DPP10: variants seen among roughly 807,000 people sequenced by gnomAD.
DPP10 encodes inactive dipeptidyl peptidase 10.
Under a neutral mutation model 120.9 loss-of-function variants are expected in DPP10, and 33 were observed. That is an observed-to-expected ratio of 0.27 (90% CI 0.21 to 0.37). The LOEUF (loss-of-function observed/expected upper bound fraction) is 0.37. Among genes scored for constraint, DPP10 ranks in the 10% least tolerant of loss-of-function variants. The pLI is 1.00. For synonymous variants in DPP10, 337 were observed against 326.1 expected (o/e 1.03, Z -0.36); for missense variants, 816 against 942.8 (o/e 0.87, Z 1.76).
chr2:115,015,604 A>G (rs558144109), intron 1 of DPP10, among the ~76,000 whole-genome samples: 1 of 152,308 alleles, frequency 6.6e-6, no homozygotes, highest in South Asian at 2.1e-4. Flanking sequence ...AGAAAACCCC[A>G]TCATCTCAGC....
intron 1 of DPP10, among the ~76,000 whole-genome samples, chr2:115,215,101 A>G (rs1371507327): frequency 6.6e-6 from 1 of 152,146 alleles, no homozygotes; most frequent in Non-Finnish European, 1.5e-5. Context: ...TGACATACCT[A>G]TATGGTAATG....
intron 1 of DPP10, among the ~76,000 whole-genome samples, chr2:114,971,788 T>TA (rs1287222899): frequency 6.6e-6 from 1 of 152,228 alleles, no homozygotes; most frequent in Non-Finnish European, 1.5e-5. Flanking sequence ...CTAAAGAAGA[T>TA]AACGATCAAC....
At chr2:115,222,077 C>T (rs1258925604) in intron 1 of DPP10, among the ~76,000 whole-genome samples, 4 of 152,042 alleles carry the variant, frequency 2.6e-5, no homozygotes, top group Non-Finnish European at 5.9e-5. Flanking sequence ...AATTTAGGAA[C>T]ACAGGGGAGA....
intron 1 of DPP10, chr2:115,131,972 C>T (rs2104792480): frequency 6.6e-6 from 1 of 152,118 alleles, no homozygotes; most frequent in East Asian, 1.9e-4. Flanking sequence ...GTGGCACAAT[C>T]CCAGCTACTC....
intron 1 of DPP10, among the ~76,000 whole-genome samples, chr2:115,101,112 G>T (rs1276827484): frequency 6.6e-6 from 1 of 152,182 alleles, no homozygotes; most frequent in East Asian, 1.9e-4. Flanking sequence ...GGTATGTGCT[G>T]TGGGAGGGAT....
intron 1 of DPP10, among the ~76,000 whole-genome samples, chr2:114,887,362 T>C (rs1692162329): frequency 6.6e-6 from 1 of 152,220 alleles, no homozygotes; most frequent in Non-Finnish European, 1.5e-5. Context: ...AAATTTTGCC[T>C]AAGGATTATG....
intron 1 of DPP10, among the ~76,000 whole-genome samples, chr2:115,231,732 T>C (rs1384805954): frequency 6.6e-6 from 1 of 152,202 alleles, no homozygotes; most frequent in Non-Finnish European, 1.5e-5. Flanking sequence ...AGTAGCGATA[T>C]ATGAAAGAAA....
At chr2:115,280,372 CT>C (rs1426859153) in intron 1 of DPP10, among the ~76,000 whole-genome samples, 1 of 152,118 alleles carries the variant, frequency 6.6e-6, no homozygotes, top group Admixed American at 6.5e-5. Context: ...GTAATGCAAG[CT>C]TTTCCCAGGA....
intron 1 of DPP10, among the ~76,000 whole-genome samples, chr2:115,021,707 A>G (rs1460495957): frequency 6.6e-6 from 1 of 152,082 alleles, no homozygotes; most frequent in African/African-American, 2.4e-5. Flanking sequence ...GGATGTAACA[A>G]AAAAAGAAAA....
intron 1 of DPP10, among the ~76,000 whole-genome samples, chr2:114,744,769 T>C (rs908660795): frequency 1.3e-5 from 2 of 151,642 alleles, no homozygotes; most frequent in Non-Finnish European, 2.9e-5. Context: ...AATGCCTAAT[T>C]TGTTTTTTTT....
intron 1 of DPP10, among the ~76,000 whole-genome samples, chr2:114,645,975 C>A (rs1374803704): frequency 6.6e-6 from 1 of 151,974 alleles, no homozygotes; most frequent in Non-Finnish European, 1.5e-5. Context: ...GCCTGACCAA[C>A]ATGGTGAAAC....
intron 5 of DPP10, among the ~76,000 whole-genome samples, chr2:115,612,148 C>G (rs764793476): frequency 6.6e-6 from 1 of 152,096 alleles, no homozygotes; most frequent in Non-Finnish European, 1.5e-5. Flanking sequence ...TAACCAAATC[C>G]ATATTTTTAT....
chr2:115,238,922 A>G (rs1053440917), intron 1 of DPP10, among the ~76,000 whole-genome samples: 2 of 152,166 alleles, frequency 1.3e-5, no homozygotes, highest in African/African-American at 4.8e-5. Context: ...CTGAGGAGCA[A>G]GGAAGCCAGT....
chr2:115,100,620 G>C (rs1020094460), intron 1 of DPP10, among the ~76,000 whole-genome samples: 3 of 152,020 alleles, frequency 2.0e-5, no homozygotes, highest in Non-Finnish European at 2.9e-5. Context: ...GTTATTGGCA[G>C]CTTAGGTATC....
At chr2:114,886,683 G>T (rs182719714) in intron 1 of DPP10, among the ~76,000 whole-genome samples, 1 of 152,104 alleles carries the variant, frequency 6.6e-6, no homozygotes, top group Non-Finnish European at 1.5e-5. Context: ...ATTATCAAAA[G>T]TCTGTTATGG....
At chr2:115,527,815 C>A (rs770247768) in intron 5 of DPP10, among the ~76,000 whole-genome samples, 4 of 152,070 alleles carry the variant, frequency 2.6e-5, no homozygotes, top group Non-Finnish European at 5.9e-5. Flanking sequence ...AATAGAATAT[C>A]ACTACGAATC....
At chr2:115,289,925 A>C (rs1321806443) in intron 1 of DPP10, among the ~76,000 whole-genome samples, 1 of 152,176 alleles carries the variant, frequency 6.6e-6, no homozygotes, top group Non-Finnish European at 1.5e-5. Flanking sequence ...ACTTTTCTGG[A>C]CATTGGCCTA....
At chr2:115,631,092 A>G (rs373761284) in intron 5 of DPP10, among the ~76,000 whole-genome samples, 13 of 132,122 alleles carry the variant, frequency 9.8e-5, no homozygotes, top group African/African-American at 4.1e-4. Flanking sequence ...TAGTGTCTCA[A>G]TTTCAGAACT....
intron 1 of DPP10, among the ~76,000 whole-genome samples, chr2:114,619,379 ATATG>A (rs1242392554): frequency 1.3e-4 from 18 of 140,740 alleles, no homozygotes; most frequent in South Asian, 2.1e-4. Context: ...ATATATATAC[ATATG>A]TGTGTGTGTG....
Sources: gnomAD v4.1 joint callset for allele counts (sites outside exome capture counted in the v4.1 genomes callset) on GRCh38, gnomAD v4.1.1 for gene constraint, MANE v1.5 for transcripts, NCBI Gene and HGNC (gene_info 2026-07-23, HGNC 2026-07-21) for gene names.